The following SRBD1 variants were observed in gnomAD, a reference collection of about 807,000 sequenced individuals.
The protein encoded by SRBD1 is S1 RNA binding domain 1.
SRBD1 carries 88 observed loss-of-function variants against 115.3 expected under a neutral mutation model. The observed-to-expected ratio is 0.76, with a 90% CI of 0.64 to 0.91. The LOEUF (loss-of-function observed/expected upper bound fraction) is 0.91, where lower values mean the gene tolerates loss of function less well. Ranked by LOEUF, SRBD1 falls within the 40% of genes least tolerant of loss-of-function variation. The pLI is 0.00. For missense variants in SRBD1, 1,385 were observed against 1,177.4 expected (o/e 1.18, Z -2.58); for synonymous variants, 509 against 407.7 (o/e 1.25, Z -2.99).
chr2:45,524,512 TA>T (rs534263673), intron 14 of SRBD1, among the ~76,000 whole-genome samples: 87 of 151,818 alleles, frequency 5.7e-4, no homozygotes, highest in African/African-American at 2.1e-3. Flanking sequence ...AAGAAACAAT[TA>T]AAAAAATGAA....
chr2:45,446,901 T>G (rs1668841888), intron 16 of SRBD1, among the ~76,000 whole-genome samples: 1 of 152,158 alleles, frequency 6.6e-6, no homozygotes, highest in Non-Finnish European at 1.5e-5. Flanking sequence ...ACTGAAACTA[T>G]TATTCAAGCA....
chr2:45,482,875 T>C (rs1670009653), intron 15 of SRBD1, among the ~76,000 whole-genome samples: 1 of 152,128 alleles, frequency 6.6e-6, no homozygotes, highest in South Asian at 2.1e-4. Context: ...TTACTTTAAA[T>C]CACCTATAGG....
chr2:45,602,107 T>C (rs1349519618), intron 2 of SRBD1, 24 bp from the exon 3 acceptor site: 2 of 1,571,576 alleles, frequency 1.3e-6, no homozygotes, highest in Non-Finnish European at 1.7e-6. Flanking sequence ...AACAGAATAA[T>C]CTCCAGGAAA....
intron 19 of SRBD1, among the ~76,000 whole-genome samples, chr2:45,408,829 C>CA (rs898763192): frequency 8.6e-5 from 13 of 151,246 alleles, no homozygotes; most frequent in East Asian, 1.9e-4. Context: ...TATGCAGAAA[C>CA]AAAAAAAATG....
intron 15 of SRBD1, among the ~76,000 whole-genome samples, chr2:45,484,272 C>T (rs752965225): frequency 1.3e-5 from 2 of 152,256 alleles, no homozygotes; most frequent in Non-Finnish European, 2.9e-5. Context: ...CTATGGCTTA[C>T]TTTGGGTGCT....
At chr2:45,442,209 G>A (rs1668690435) in intron 16 of SRBD1, among the ~76,000 whole-genome samples, 1 of 152,162 alleles carries the variant, frequency 6.6e-6, no homozygotes, top group African/African-American at 2.4e-5. Context: ...TTTATGGGAT[G>A]TCATTTACCA....
At chr2:45,595,657 T>G (rs901933767) in intron 4 of SRBD1, among the ~76,000 whole-genome samples, 1 of 152,214 alleles carries the variant, frequency 6.6e-6, no homozygotes, top group African/African-American at 2.4e-5. Flanking sequence ...CAAAATTACT[T>G]TCTCTCTGAC....
chr2:45,608,039 T>C (rs920670875), intron 1 of SRBD1, among the ~76,000 whole-genome samples: 1 of 152,210 alleles, frequency 6.6e-6, no homozygotes, highest in African/African-American at 2.4e-5. Context: ...TTCTACAATA[T>C]GCCTGAATTC....
chr2:45,400,278 A>G (rs1394446860), intron 19 of SRBD1, among the ~76,000 whole-genome samples: 1 of 152,144 alleles, frequency 6.6e-6, no homozygotes, highest in African/African-American at 2.4e-5. Context: ...GGAGGGAGAT[A>G]ATGGGAAACT....
intron 16 of SRBD1, among the ~76,000 whole-genome samples, chr2:45,433,662 T>C (rs554374395): frequency 6.6e-6 from 1 of 152,138 alleles, no homozygotes; most frequent in Non-Finnish European, 1.5e-5. Flanking sequence ...ATTAATCAAA[T>C]CCGGTAAACA....
intron 6 of SRBD1, among the ~76,000 whole-genome samples, chr2:45,580,266 T>C (rs1210741649): frequency 1.3e-5 from 2 of 152,184 alleles, no homozygotes; most frequent in Admixed American, 6.5e-5. Flanking sequence ...TAAAAACTCA[T>C]TGCTTGGACT....
chr2:45,428,843 AC>A (rs1300338607), intron 16 of SRBD1, among the ~76,000 whole-genome samples: 1 of 152,186 alleles, frequency 6.6e-6, no homozygotes, highest in Non-Finnish European at 1.5e-5. Context: ...AGATACAGAT[AC>A]AAAAAACTCT....
At chr2:45,423,473 T>G (rs1668065091) in intron 16 of SRBD1, among the ~76,000 whole-genome samples, 1 of 152,086 alleles carries the variant, frequency 6.6e-6, no homozygotes, top group African/African-American at 2.4e-5. Context: ...ATGGACAAAT[T>G]ACTAAGAACA....
At chr2:45,514,068 G>A (rs1281604616) in intron 14 of SRBD1, among the ~76,000 whole-genome samples, 2 of 152,102 alleles carry the variant, frequency 1.3e-5, no homozygotes, top group East Asian at 3.9e-4. Context: ...TTACAACCAC[G>A]GGGTTAAAGT....
intron 4 of SRBD1, among the ~76,000 whole-genome samples, chr2:45,587,992 T>A (rs1673600121): frequency 6.6e-6 from 1 of 152,108 alleles, no homozygotes; most frequent in South Asian, 2.1e-4. Context: ...TTAAATCCAA[T>A]CCATCTTAAG....
Position 45,597,026 on chromosome 2 carries a change from C to T in SRBD1, c.648+2423G>A, listed in dbSNP as rs58353272. On this transcript the variant is annotated intron_variant, in intron 4 of 20. Transcript: ENST00000263736. ...CACACACACACACACACAGCCCTGG[C>T]AGCCATATTTCTAAAATACAGTGAG... Among the ~76,000 whole-genome samples the T allele has an allele frequency of 6.8e-3, 1,021 of 150,878 alleles. 14 individuals carry two copies. The highest frequency in any genetic ancestry group is 0.024 in the African/African-American group (972 of 41,054).
intron 16 of SRBD1, among the ~76,000 whole-genome samples, chr2:45,464,291 C>T (rs1179547076): frequency 6.6e-6 from 1 of 152,070 alleles, no homozygotes. Flanking sequence ...TACAGAACTC[C>T]CACAGAAAGA....
Position 45,573,193 on chromosome 2 carries a change from GTTTC to G in SRBD1, c.1305+10_1305+13del, listed in dbSNP as rs1673074015. The stretch of plus-strand genomic sequence containing the variant: ...ATTACGAAATCAGCATGCACATGCA[GTTTC>G]TTTATTTACCTGATGATGGTGAATG... On this transcript the variant is annotated intron_variant, in intron 9 of 20. Transcript: ENST00000263736. 3.1e-6 allele frequency: 5 copies of G among 1,589,750 alleles called. No individual in the cohort carries two copies. The highest frequency in any genetic ancestry group is 1.2e-5 in the South Asian group (1 of 85,170).
intron 2 of SRBD1, among the ~76,000 whole-genome samples, chr2:45,604,363 T>G (rs1030754578): frequency 8.6e-6 from 1 of 116,808 alleles, no homozygotes; most frequent in Admixed American, 1.0e-4. Flanking sequence ...GATCAGCTAC[T>G]AACAGGGAGG....
Sources: gnomAD v4.1 joint callset for allele counts (sites outside exome capture counted in the v4.1 genomes callset) on GRCh38, gnomAD v4.1.1 for gene constraint, MANE v1.5 for transcripts, NCBI Gene and HGNC (gene_info 2026-07-23, HGNC 2026-07-21) for gene names.